DAB1: variants seen among roughly 807,000 people sequenced by gnomAD.
The protein encoded by DAB1 is DAB adaptor protein 1.
In DAB1, 15 loss-of-function variants were observed where a neutral mutation model predicts 64.6. The ratio of observed to expected loss-of-function variants is 0.23; its 90% CI spans 0.16 to 0.36. The LOEUF is 0.36. Among genes scored for constraint, DAB1 ranks in the 10% least tolerant of loss-of-function variants. DAB1 has a pLI of 1.00. For missense variants in DAB1, 596 were observed against 706.7 expected (o/e 0.84, Z 1.78); for synonymous variants, 235 against 251.9 (o/e 0.93, Z 0.64).
At chr1:57,402,338 A>C (rs1197776472) in intron 1 of DAB1, among the ~76,000 whole-genome samples, 1 of 152,238 alleles carries the variant, frequency 6.6e-6, no homozygotes, top group Non-Finnish European at 1.5e-5. Context: ...TTGAATCAGA[A>C]AATTGGAATA....
At chr1:57,358,687 A>G (rs181371182) in intron 1 of DAB1, among the ~76,000 whole-genome samples, 21 of 152,278 alleles carry the variant, frequency 1.4e-4, no homozygotes, top group Non-Finnish European at 2.4e-4. Flanking sequence ...TTGAGTTAAA[A>G]GAACAAAACT....
At chr1:57,723,584 T>G (rs1400300548) in intron 6 of DAB1, among the ~76,000 whole-genome samples, 1 of 152,224 alleles carries the variant, frequency 6.6e-6, no homozygotes. Flanking sequence ...ATTCTCTGCA[T>G]TCACAGACAA....
intron 6 of DAB1, among the ~76,000 whole-genome samples, chr1:57,804,117 A>G (rs1462842257): frequency 6.6e-6 from 1 of 152,174 alleles, no homozygotes; most frequent in African/African-American, 2.4e-5. Flanking sequence ...GAACATAACT[A>G]TCAAAAATAT....
At chr1:58,017,272 G>A (rs1220168072) in intron 5 of DAB1, among the ~76,000 whole-genome samples, 1 of 152,006 alleles carries the variant, frequency 6.6e-6, no homozygotes, top group Non-Finnish European at 1.5e-5. Context: ...CAAGGGCTAT[G>A]CGATTAGGCA....
intron 7 of DAB1, among the ~76,000 whole-genome samples, chr1:57,552,570 G>T (rs1235321514): frequency 6.6e-6 from 1 of 152,228 alleles, no homozygotes; most frequent in African/African-American, 2.4e-5. Context: ...GATGAGCAGG[G>T]ATCGCATCCT....
intron 3 of DAB1, among the ~76,000 whole-genome samples, chr1:58,412,465 T>G (rs1356338294): frequency 6.6e-6 from 1 of 152,204 alleles, no homozygotes; most frequent in Non-Finnish European, 1.5e-5. Flanking sequence ...CAGTTTTAGC[T>G]TAGTGCAGTT....
chr1:57,061,230 G>A (rs1333572949), intron 9 of DAB1, among the ~76,000 whole-genome samples: 6 of 22,718 alleles, frequency 2.6e-4, no homozygotes, highest in Non-Finnish European at 3.6e-4. Context: ...TATTTAGATG[G>A]GGGGGGGGGG....
At chr1:58,546,169 G>C (rs549638267) in intron 1 of DAB1, among the ~76,000 whole-genome samples, 5 of 152,254 alleles carry the variant, frequency 3.3e-5, no homozygotes, top group Admixed American at 6.5e-5. Flanking sequence ...TGCTTAGACG[G>C]GGAATGTTCT....
In DAB1 at chr1:57,398,544, C is replaced by T. The variant is rs187539263; in HGVS notation, c.-137+25386G>A. Reference sequence around the variant, plus strand: ...CCCCTTTGGGAACTTTGCTGAGAGACAGTCAGTATGTTAAATGACACTCCA... The same window carrying T: ...CCCCTTTGGGAACTTTGCTGAGAGATAGTCAGTATGTTAAATGACACTCCA... On this transcript the variant is annotated intron_variant, in intron 1 of 14. Transcript: ENST00000371236. Among the ~76,000 whole-genome samples the T allele has an allele frequency of 3.6e-3, 547 of 152,328 alleles. 3 individuals carry two copies. The highest frequency in any genetic ancestry group is 5.2e-3 in the Non-Finnish European group (351 of 68,034).
intron 4 of DAB1, among the ~76,000 whole-genome samples, chr1:58,188,338 G>T (rs561329928): frequency 9.9e-5 from 15 of 152,234 alleles, no homozygotes; most frequent in Admixed American, 7.2e-4. Context: ...GTTTGATAGA[G>T]AATCGATTTA....
In DAB1 at chr1:57,014,920, C is replaced by A. The variant is rs1008609549; in HGVS notation, c.1407G>T (p.Leu469Phe). The A allele has an allele frequency of 6.3e-6, 10 of 1,599,838 alleles. No individual in the cohort carries two copies. Among genetic ancestry groups the A allele is most frequent in the Non-Finnish European group, 7.7e-6 (9 of 1,172,554 alleles). Residue 469 changes from leucine (L) to phenylalanine (F), a missense_variant, in exon 12 of 15, where the codon TTG becomes TTT. Around this residue, in one of 3 missense-constraint regions of DAB1, gnomAD observed 377 missense variants for 400.4 expected, o/e 0.94. Transcript: ENST00000371236. ...ATGGTGTGGTAGAAGTCACAGGGGT[C>A]AAATTCAACTGGGAGATGTCAAAGT... The part of the protein sequence containing the change: ...CDDFDISQLN[L>F]TPVTSTTPST...
At chr1:57,936,089 G>C (rs549759738) in intron 5 of DAB1, among the ~76,000 whole-genome samples, 16 of 152,296 alleles carry the variant, frequency 1.1e-4, no homozygotes, top group Admixed American at 7.8e-4. Flanking sequence ...GATCTCAAAG[G>C]CAACTGCTCT....
chr1:57,739,545 C>T (rs1305694649), intron 6 of DAB1, among the ~76,000 whole-genome samples: 1 of 146,062 alleles, frequency 6.8e-6, no homozygotes. Flanking sequence ...CTCCCAGGTT[C>T]AAGCGATTCT....
chr1:57,657,749 A>C (rs1646335923), intron 6 of DAB1, among the ~76,000 whole-genome samples: 2 of 152,216 alleles, frequency 1.3e-5, no homozygotes, highest in Admixed American at 1.3e-4. Flanking sequence ...TTAGTAAGTA[A>C]GAAAATTTAA....
chr1:58,244,001 A>G (rs894109525), intron 4 of DAB1, among the ~76,000 whole-genome samples: 1 of 152,174 alleles, frequency 6.6e-6, no homozygotes, highest in African/African-American at 2.4e-5. Flanking sequence ...AAGAGTAGCA[A>G]CAAGGATCAG....
chr1:57,130,967 T>C (rs1657604891), intron 4 of DAB1, among the ~76,000 whole-genome samples: 1 of 152,218 alleles, frequency 6.6e-6, no homozygotes, highest in Non-Finnish European at 1.5e-5. Context: ...GAAAGTCATA[T>C]AGCATAGGAA....
At chr1:57,771,880 G>T (rs1267696733) in intron 6 of DAB1, among the ~76,000 whole-genome samples, 1 of 152,048 alleles carries the variant, frequency 6.6e-6, no homozygotes, top group East Asian at 1.9e-4. Flanking sequence ...CTGGCTTCTT[G>T]CACTCACCAT....
intron 7 of DAB1, among the ~76,000 whole-genome samples, chr1:57,519,386 GTGC>G (rs893502861): frequency 6.6e-6 from 1 of 152,162 alleles, no homozygotes; most frequent in Non-Finnish European, 1.5e-5. Context: ...TGCCACCACT[GTGC>G]TGCTGCTGCT....
intron 6 of DAB1, among the ~76,000 whole-genome samples, chr1:57,675,431 C>T (rs921024912): frequency 1.3e-5 from 2 of 152,142 alleles, no homozygotes; most frequent in Non-Finnish European, 2.9e-5. Context: ...AAGGGCTTCC[C>T]TGGTACATTA....
Sources: gnomAD v4.1 joint callset for allele counts (sites outside exome capture counted in the v4.1 genomes callset) on GRCh38, gnomAD v4.1.1 for gene constraint, gnomAD v4.1.1 regional missense constraint, MANE v1.5 for transcripts, NCBI Gene and HGNC (gene_info 2026-07-23, HGNC 2026-07-21) for gene names.